RABEPK: variants seen among roughly 807,000 people sequenced by gnomAD.
RABEPK encodes the protein Rab9 effector protein with kelch motifs.
RABEPK carries 27 observed loss-of-function variants against 34.1 expected under a neutral mutation model. That is an observed-to-expected ratio of 0.79 (90% confidence interval 0.58 to 1.09). RABEPK has a LOEUF of 1.09. Among genes scored for constraint, RABEPK ranks in the 50% least tolerant of loss-of-function variants. RABEPK has a pLI of 0.00. For synonymous variants in RABEPK, 172 were observed against 169.2 expected (o/e 1.02, Z -0.13); for missense variants, 449 against 462.6 (o/e 0.97, Z 0.27).
At chr9:125,201,214 A>G (rs1829884397) in intron 1 of RABEPK, among the ~76,000 whole-genome samples, 1 of 152,220 alleles carries the variant, frequency 6.6e-6, no homozygotes, top group Non-Finnish European at 1.5e-5. Context: ...TTCACCAGGG[A>G]AGGGACTTTT....
intron 4 of RABEPK, among the ~76,000 whole-genome samples, chr9:125,219,900 G>A (rs920072548): frequency 6.6e-6 from 1 of 152,106 alleles, no homozygotes; most frequent in African/African-American, 2.4e-5. Context: ...CATCTAGTGG[G>A]AATGAATGTT....
intron 3 of RABEPK, among the ~76,000 whole-genome samples, chr9:125,211,442 G>A (rs1325319806): frequency 1.3e-5 from 2 of 151,778 alleles, no homozygotes; most frequent in Non-Finnish European, 2.9e-5. Flanking sequence ...GAGCCACCAC[G>A]CCCAGCATAA....
chr9:125,231,541 G>A (rs1468805601), intron 6 of RABEPK, among the ~76,000 whole-genome samples: 4 of 151,576 alleles, frequency 2.6e-5, no homozygotes, highest in African/African-American at 9.7e-5. Context: ...CATGGCTCCC[G>A]CCTGTAATCC....
At chr9:125,225,543 A>T (rs1442914417) in intron 5 of RABEPK, among the ~76,000 whole-genome samples, 3 of 150,668 alleles carry the variant, frequency 2.0e-5, no homozygotes, top group South Asian at 2.1e-4. Flanking sequence ...AAAATTTAGG[A>T]TGGGCGCAGT....
At chr9:125,210,596 C>T (rs532863280) in intron 3 of RABEPK, among the ~76,000 whole-genome samples, 2 of 148,072 alleles carry the variant, frequency 1.4e-5, no homozygotes, top group Non-Finnish European at 3.0e-5. Flanking sequence ...GGCTTGTGCC[C>T]GTAGTCCCAG....
intron 4 of RABEPK, among the ~76,000 whole-genome samples, chr9:125,214,758 CATT>C (rs147593128): frequency 0.021 from 3,061 of 148,406 alleles, 116 homozygotes; most frequent in East Asian, 0.15. Context: ...ATCCACAATC[CATT>C]ATTATATTAA....
chr9:125,221,739 G>C (rs1399404080), intron 5 of RABEPK: 1 of 147,392 alleles, frequency 6.8e-6, no homozygotes, highest in African/African-American at 2.5e-5. Flanking sequence ...GCAGTTGCCC[G>C]ATCTCGGCTC....
chr9:125,208,962 C>T (rs1190893216), intron 3 of RABEPK, among the ~76,000 whole-genome samples: 2 of 152,050 alleles, frequency 1.3e-5, no homozygotes, highest in Non-Finnish European at 2.9e-5. Context: ...AAGTTTACCC[C>T]CTATACAGTG....
Position 125,228,781 on chromosome 9 carries a change from G to A in RABEPK, c.676+722G>A, listed in dbSNP as rs554464440. ...GGTCGAGACCAGCCTGGCCAACATA[G>A]TGAAACCCCATCTCTACTAAAAATA... On this transcript the variant is annotated intron_variant, in intron 6 of 7. Coordinates refer to ENST00000373538, the MANE Select transcript of RABEPK (RefSeq NM_005833.4). 9.2e-5 allele frequency among the ~76,000 whole-genome samples: 14 copies of A among 151,808 alleles called. 1 individual carries two copies. In the South Asian group the frequency reaches 2.9e-3, roughly 32 times the overall value.
chr9:125,214,796 T>TG (rs1429443947), intron 4 of RABEPK, among the ~76,000 whole-genome samples: 3 of 151,270 alleles, frequency 2.0e-5, no homozygotes, highest in African/African-American at 7.3e-5. Flanking sequence ...TTCTGTCTTT[T>TG]TTTTTTTTTT....
chr9:125,207,500 G>A (rs1016708011), intron 2 of RABEPK, 64 bp from the exon 3 acceptor site: 12 of 1,512,684 alleles, frequency 7.9e-6, no homozygotes, highest in Non-Finnish European at 1.1e-5. Flanking sequence ...ATGAGGAATG[G>A]AAAGAGCACA....
chr9:125,211,757 C>G (rs547953826), intron 3 of RABEPK, among the ~76,000 whole-genome samples: 3 of 152,068 alleles, frequency 2.0e-5, no homozygotes, highest in Non-Finnish European at 4.4e-5. Flanking sequence ...CACTTGAGGT[C>G]AGGAGTTTGA....
intron 6 of RABEPK, 34 bp downstream of exon 6, chr9:125,228,093 T>C (rs780581139): frequency 7.4e-7 from 1 of 1,351,994 alleles, no homozygotes; most frequent in Admixed American, 3.2e-5. Context: ...CTGTTTAAAA[T>C]TGTTATTTTT....
At chr9:125,204,063 G>A (rs535250801) in intron 2 of RABEPK, among the ~76,000 whole-genome samples, 29 of 150,254 alleles carry the variant, frequency 1.9e-4, no homozygotes, top group Middle Eastern at 3.6e-3. Context: ...GGCCGGGCAC[G>A]GTGGCTCATG....
At chr9:125,211,966 C>T (rs553495369) in intron 3 of RABEPK, among the ~76,000 whole-genome samples, 36 of 150,436 alleles carry the variant, frequency 2.4e-4, no homozygotes, top group African/African-American at 6.8e-4. Context: ...AAGACTCCAT[C>T]TCAAAAAAAA....
At chr9:125,224,029 A>G (rs760493396) in intron 5 of RABEPK, among the ~76,000 whole-genome samples, 12 of 151,988 alleles carry the variant, frequency 7.9e-5, no homozygotes, top group Admixed American at 1.3e-4. Context: ...CCCTGTTTCA[A>G]CTGAAAATAC....
At chr9:125,229,214 A>C (rs1365363848) in intron 6 of RABEPK, among the ~76,000 whole-genome samples, 1 of 151,964 alleles carries the variant, frequency 6.6e-6, no homozygotes. Context: ...AGATCATGCC[A>C]CTGCACTTCA....
chr9:125,223,386 G>A (rs1475352238), intron 5 of RABEPK, among the ~76,000 whole-genome samples: 2 of 152,106 alleles, frequency 1.3e-5, no homozygotes, highest in Non-Finnish European at 2.9e-5. Flanking sequence ...AACCTGGGAG[G>A]TGGAGGTAGC....
chr9:125,220,570 C>T lies in RABEPK; in HGVS notation c.396C>T (p.Thr132=). The T allele has an allele frequency of 1.2e-6, 2 of 1,614,052 alleles. No individual in the cohort carries two copies. Among genetic ancestry groups the T allele is most frequent in the South Asian group, 1.1e-5 (1 of 91,072 alleles). ...GGACGTGGACCACGCCAGAAGTGACCAGCCCCCCACCATCCCCAAGAACAT... is the reference window on the plus strand; with the variant it reads ...GGACGTGGACCACGCCAGAAGTGACTAGCCCCCCACCATCCCCAAGAACAT... The part of the protein sequence containing the change: ...ETRTWTTPEV[T]SPPPSPRTFH... Residue 132 remains threonine (T), a synonymous_variant, in exon 5 of 8, where the codon ACC becomes ACT. Coordinates refer to ENST00000373538, the MANE Select transcript of RABEPK (RefSeq NM_005833.4).
Sources: allele counts gnomAD v4.1 joint callset (sites outside exome capture counted in the v4.1 genomes callset), GRCh38; gene constraint gnomAD v4.1.1; transcripts MANE v1.5; gene names NCBI Gene and HGNC (gene_info 2026-07-23, HGNC 2026-07-21).